The following TBC1D2B variants were observed in gnomAD, a reference collection of about 807,000 sequenced individuals.
TBC1D2B encodes TBC1 domain family, member 2B.
Under a neutral mutation model 100.8 loss-of-function variants are expected in TBC1D2B, and 64 were observed. The observed-to-expected ratio is 0.64, with a 90% confidence interval of 0.52 to 0.78. The LOEUF is 0.78. TBC1D2B is among the 30% of genes least tolerant of loss of function. TBC1D2B has a pLI of 0.00. For synonymous variants in TBC1D2B, 480 were observed against 479.7 expected (o/e 1.00, Z -0.01); for missense variants, 1,052 against 1,218.4 (o/e 0.86, Z 2.03).
At chr15:78,056,673 A>T (rs1361978830) in intron 1 of TBC1D2B, among the ~76,000 whole-genome samples, 1 of 126,964 alleles carries the variant, frequency 7.9e-6, no homozygotes, top group Non-Finnish European at 1.6e-5. Context: ...CCCAAAGCCC[A>T]CCCAGTCCTC....
chr15:78,017,960 G>A lies in TBC1D2B; in HGVS notation c.1471-3C>T. Reference sequence around the variant, plus strand: ...GTTTTGTACCCCTGTAGATTATCCTGTTAGAAAAAAAAAAAATCCCTGAAT... The same window carrying A: ...GTTTTGTACCCCTGTAGATTATCCTATTAGAAAAAAAAAAAATCCCTGAAT... On this transcript the variant is annotated splice_polypyrimidine_tract_variant and splice_region_variant and intron_variant, in intron 6 of 12. Transcript: ENST00000300584. 6.7e-7 allele frequency: 1 copy of A among 1,489,602 alleles called. No homozygotes were observed. The highest frequency in any genetic ancestry group is 2.1e-5 in the Admixed American group (1 of 48,398). The allele number at this position is 1,489,602 out of a possible 1,614,324, so 92.3% of individuals were successfully genotyped here.
rs767062024 is a variant in TBC1D2B at position 78,009,060 on chromosome 15, G to C, written c.2325C>G (p.Leu775=). 6.2e-6 allele frequency: 10 copies of C among 1,608,792 alleles called. No individual in the cohort carries two copies. The South Asian group carries it at 1.1e-4, about 18-fold the overall frequency. ...GCATGAAAACTTCCACTATGGTAAC[G>C]AGACACCAGAAAGCATCTTCTTGTT... ...YLEQEDAFWC[L]VTIVEVFMPR... Residue 775 remains leucine, a synonymous_variant, in exon 10 of 13, where the codon CTC becomes CTG. Coordinates refer to ENST00000300584, the MANE Select transcript of TBC1D2B (RefSeq NM_144572.2).
intron 6 of TBC1D2B, among the ~76,000 whole-genome samples, chr15:78,020,878 G>A (rs147847445): frequency 3.9e-5 from 6 of 152,310 alleles, no homozygotes; most frequent in Non-Finnish European, 8.8e-5. Flanking sequence ...GGTATTCATG[G>A]AACAGCAAAC....
chr15:78,076,144 T>C (rs1043097715), intron 1 of TBC1D2B, among the ~76,000 whole-genome samples: 3 of 151,718 alleles, frequency 2.0e-5, no homozygotes, highest in Admixed American at 6.6e-5. Context: ...CCCTAGGAGG[T>C]GACAGTCTAG....
chr15:78,038,698 CG>C (rs2073006344), intron 3 of TBC1D2B, among the ~76,000 whole-genome samples: 1 of 152,202 alleles, frequency 6.6e-6, no homozygotes, highest in Admixed American at 6.5e-5. Flanking sequence ...TAAATACAAC[CG>C]GAGACATGGC....
intron 1 of TBC1D2B, among the ~76,000 whole-genome samples, chr15:78,058,769 A>G (rs1437963863): frequency 6.6e-6 from 1 of 152,010 alleles, no homozygotes; most frequent in Non-Finnish European, 1.5e-5. Flanking sequence ...AGTTCTGGAG[A>G]GCCAGACAGG....
intron 1 of TBC1D2B, among the ~76,000 whole-genome samples, chr15:78,072,705 T>C (rs1240659681): frequency 6.6e-6 from 1 of 152,206 alleles, no homozygotes; most frequent in African/African-American, 2.4e-5. Flanking sequence ...GACGCTCTCT[T>C]GCTCCAAAGT....
intron 5 of TBC1D2B, among the ~76,000 whole-genome samples, 164 bp from the exon 6 acceptor site, chr15:78,024,703 T>C (rs1331208933): frequency 6.6e-6 from 1 of 151,996 alleles, no homozygotes; most frequent in Non-Finnish European, 1.5e-5. Flanking sequence ...ATCTCAAAAA[T>C]AGAGGAAAAA....
At chr15:78,043,473 C>G (rs1309610354) in intron 3 of TBC1D2B, among the ~76,000 whole-genome samples, 1 of 152,176 alleles carries the variant, frequency 6.6e-6, no homozygotes, top group Non-Finnish European at 1.5e-5. Context: ...GAACTCAGCT[C>G]ACTGCAGCCT....
intron 3 of TBC1D2B, among the ~76,000 whole-genome samples, chr15:78,030,913 C>A (rs1022705687): frequency 3.3e-5 from 5 of 152,174 alleles, no homozygotes; most frequent in Non-Finnish European, 7.3e-5. Flanking sequence ...ATTCATCCAC[C>A]AATTATTGAT....
Position 78,024,376 on chromosome 15 carries a change from A to C in TBC1D2B, c.1250T>G (p.Leu417Trp). 6.2e-7 allele frequency: 1 copy of C among 1,614,016 alleles called. No individual in the cohort carries two copies. Among genetic ancestry groups the C allele is most frequent in the Non-Finnish European group, 8.5e-7 (1 of 1,179,906 alleles). ...TTCCTGCTGAAGACTCTCCTTCTCC[A>C]AGCTGAACCTCTCCAGCTGGCTGGT... is the stretch of plus-strand genomic sequence containing the variant. ...GLTSQLERFSLEKESLQQEVR... is the reference protein window; with the variant it reads ...GLTSQLERFSWEKESLQQEVR... The change falls in exon 6 of 13, where the codon TTG becomes TGG. Residue 417 changes from leucine (L) to tryptophan (W), a missense_variant. Physicochemically the swap from Leu to Trp is moderately conservative, Grantham distance 61 (BLOSUM62 -2). Coordinates refer to ENST00000300584, the MANE Select transcript of TBC1D2B (RefSeq NM_144572.2).
rs1464426424 is a variant in TBC1D2B at position 78,016,882 on chromosome 15, A to T, written c.1582-143T>A. 6.1e-6 allele frequency: 4 copies of T among 653,246 alleles called. No individual in the cohort carries two copies. The African/African-American group carries it at 7.6e-5, about 12-fold the overall frequency. The allele number at this position is 653,246 out of a possible 1,614,324, so 40.5% of individuals were successfully genotyped here. On this transcript the variant is annotated intron_variant, in intron 7 of 12. Transcript: ENST00000300584. ...AGACTGTAGCAAAGACAAGAAATTA[A>T]TTTATGCCACAGACCACCTTTCATG...
intron 3 of TBC1D2B, chr15:78,034,565 A>T (rs2072899885): frequency 1.0e-6 from 1 of 985,050 alleles, no homozygotes; most frequent in African/African-American, 1.7e-5. Flanking sequence ...ACACCCCCAC[A>T]CGGCCTGGGG....
chr15:78,025,050 T>C (rs986639488), intron 5 of TBC1D2B, among the ~76,000 whole-genome samples: 1 of 152,168 alleles, frequency 6.6e-6, no homozygotes, highest in Non-Finnish European at 1.5e-5. Context: ...TCACTCTCCT[T>C]GCAAATGCAA....
In TBC1D2B at chr15:78,049,940, C is replaced by T. The variant is rs1273459754; in HGVS notation, c.514+4094G>A. Reference sequence around the variant, plus strand: ...TCCCCATGCTGCCTCTCAGATACAACACTGGTAACTACCATGACTGATACT... The same window carrying T: ...TCCCCATGCTGCCTCTCAGATACAATACTGGTAACTACCATGACTGATACT... On this transcript the variant is annotated intron_variant, in intron 2 of 12. Coordinates refer to ENST00000300584, the MANE Select transcript of TBC1D2B (RefSeq NM_144572.2). Among the ~76,000 whole-genome samples the T allele has an allele frequency of 2.0e-5, 3 of 152,212 alleles. No individual in the cohort carries two copies. In the East Asian group the frequency reaches 5.8e-4, roughly 29 times the overall value.
chr15:78,047,817 G>A (rs942944577), intron 2 of TBC1D2B, among the ~76,000 whole-genome samples: 2 of 152,102 alleles, frequency 1.3e-5, no homozygotes, highest in Admixed American at 6.5e-5. Context: ...GTGGGGGGCA[G>A]GGGGTGCTCA....
At chr15:77,998,381 G>A in intron 12 of TBC1D2B, 26 bp from the exon 13 acceptor site, 2 of 1,543,974 alleles carry the variant, frequency 1.3e-6, no homozygotes, top group South Asian at 1.2e-5. Flanking sequence ...GGAGAGACAA[G>A]AGAATCAGCG....
intron 2 of TBC1D2B, among the ~76,000 whole-genome samples, chr15:78,048,133 T>C (rs1233661275): frequency 6.6e-6 from 1 of 152,156 alleles, no homozygotes; most frequent in Non-Finnish European, 1.5e-5. Flanking sequence ...CTGGAAATAC[T>C]TCCTGAGGAA....
chr15:78,021,132 G>A (rs1033016746), intron 6 of TBC1D2B, among the ~76,000 whole-genome samples: 5 of 152,080 alleles, frequency 3.3e-5, no homozygotes, highest in East Asian at 3.9e-4. Context: ...TTCCTGCCTC[G>A]GAATACTATA....
Sources: allele counts gnomAD v4.1 joint callset (sites outside exome capture counted in the v4.1 genomes callset), GRCh38; gene constraint gnomAD v4.1.1; transcripts MANE v1.5; gene names NCBI Gene and HGNC (gene_info 2026-07-23, HGNC 2026-07-21).